The following FBXL13 variants were observed in gnomAD, a reference collection of about 807,000 sequenced individuals.
FBXL13 encodes F-box and leucine-rich repeat protein 13.
FBXL13 carries 67 observed loss-of-function variants against 83.6 expected under a neutral mutation model. That is an observed-to-expected ratio of 0.80 (90% CI 0.66 to 0.98). FBXL13 has a LOEUF of 0.98. Among genes scored for constraint, FBXL13 ranks in the 50% least tolerant of loss-of-function variants. FBXL13 has a pLI of 0.00. For synonymous variants in FBXL13, 272 were observed against 299.5 expected, an observed-to-expected ratio of 0.91 and a Z score of 0.95; for missense variants, 822 against 866.5, an observed-to-expected ratio of 0.95 and a Z score of 0.64.
intron 7 of FBXL13, among the ~76,000 whole-genome samples, chr7:102,967,237 C>A (rs956108462): frequency 4.0e-5 from 6 of 150,802 alleles, no homozygotes; most frequent in African/African-American, 1.5e-4. Flanking sequence ...GGATTATAGG[C>A]GTGAGCTACT....
At chr7:102,856,355 G>A (rs192263755) in intron 16 of FBXL13, among the ~76,000 whole-genome samples, 1 of 152,306 alleles carries the variant, frequency 6.6e-6, no homozygotes. Flanking sequence ...TCAAGTAACA[G>A]ATGCAAAGTT....
At chr7:103,027,655 A>G (rs1456598813) in intron 4 of FBXL13, 97 bp from the exon 6 acceptor site, 1 of 697,070 alleles carries the variant, frequency 1.4e-6, no homozygotes, top group Non-Finnish European at 2.2e-6. Context: ...TTATGAGACA[A>G]TGTCGCATCT....
At chr7:102,939,490 A>G in intron 8 of FBXL13, 2 of 1,614,060 alleles carry the variant, frequency 1.2e-6, no homozygotes, top group African/African-American at 2.7e-5. Context: ...TTGTCATACA[A>G]TAAAATCAAC....
At chr7:103,008,946 C>T (rs982916353) in intron 6 of FBXL13, among the ~76,000 whole-genome samples, 4 of 151,936 alleles carry the variant, frequency 2.6e-5, no homozygotes, top group African/African-American at 9.7e-5. Context: ...GCACAATACA[C>T]AGGAGGGAGA....
Position 102,968,829 on chromosome 7 carries a change from T to C in FBXL13, c.496-712A>G, listed in dbSNP as rs1349314844. Among the ~76,000 whole-genome samples the C allele has an allele frequency of 2.6e-5, 4 of 152,174 alleles. No homozygotes were observed. In the East Asian group the frequency reaches 7.7e-4, roughly 29 times the overall value. On this transcript the variant is annotated intron_variant, in intron 6 of 19. Coordinates refer to ENST00000313221, the Ensembl canonical transcript of FBXL13. The stretch of plus-strand genomic sequence containing the variant: ...CTTTTCATAATAAAATGGGTTCAGA[T>C]TTTACTGGCCATGCAGAGACATAAG...
intron 17 of FBXL13, among the ~76,000 whole-genome samples, chr7:102,842,895 T>C (rs551874260): frequency 2.0e-5 from 3 of 152,338 alleles, no homozygotes; most frequent in African/African-American, 7.2e-5. Flanking sequence ...CATTCCTGGG[T>C]CAGACCAAAA....
At chr7:103,054,408 A>G (rs1797136007) in intron 2 of FBXL13, among the ~76,000 whole-genome samples, 1 of 147,884 alleles carries the variant, frequency 6.8e-6, no homozygotes, top group Non-Finnish European at 1.5e-5. Context: ...AAAAAAAAAA[A>G]GAGAGAGAGT....
At chr7:102,935,242 C>CTTTTTTT (rs71106700) in intron 8 of FBXL13, among the ~76,000 whole-genome samples, 6 of 76,402 alleles carry the variant, frequency 7.9e-5, no homozygotes, top group African/African-American at 2.3e-4. Context: ...TTTTTTCTTT[C>CTTTTTTT]TTTTTTTTTT....
Position 102,954,121 on chromosome 7 carries a change from C to G in FBXL13, c.724+9412G>C, listed in dbSNP as rs186918243. Among the ~76,000 whole-genome samples, 568 of 152,278 alleles carry G rather than the reference C, an allele frequency of 3.7e-3. 5 individuals carry two copies. The highest frequency in any genetic ancestry group is 0.013 in the African/African-American group (561 of 41,564). On this transcript the variant is annotated intron_variant, in intron 8 of 19. Transcript: ENST00000313221. The stretch of plus-strand genomic sequence containing the variant: ...CCACACAGGAAAAGCCAAAGCAGGG[C>G]AGAGCATCGCCTCACCCAGGAAGCA...
At chr7:102,952,740 T>G (rs1446421817) in intron 8 of FBXL13, among the ~76,000 whole-genome samples, 1 of 152,150 alleles carries the variant, frequency 6.6e-6, no homozygotes, top group Non-Finnish European at 1.5e-5. Flanking sequence ...TCTCAGCACT[T>G]TGAGAGGCTG....
chr7:103,053,550 A>G (rs865905557), intron 2 of FBXL13, among the ~76,000 whole-genome samples: 16 of 152,192 alleles, frequency 1.1e-4, no homozygotes, highest in Non-Finnish European at 1.9e-4. Flanking sequence ...AATATTGACA[A>G]TAGGGTTTAC....
intron 18 of FBXL13, among the ~76,000 whole-genome samples, chr7:102,828,127 T>C (rs992122815): frequency 1.3e-5 from 2 of 152,204 alleles, no homozygotes; most frequent in Non-Finnish European, 2.9e-5. Context: ...AAGAAAGTAA[T>C]TGGTAGCTTG....
chr7:102,848,534 C>T (rs1379379484), intron 17 of FBXL13, among the ~76,000 whole-genome samples: 1 of 31,364 alleles, frequency 3.2e-5, no homozygotes, highest in African/African-American at 4.3e-4. Context: ...CCAGCCTGGG[C>T]GACAGAGCGA....
chr7:102,835,603 G>GTTTTTTTT (rs776220490), intron 17 of FBXL13, among the ~76,000 whole-genome samples: 10 of 97,522 alleles, frequency 1.0e-4, no homozygotes, highest in Non-Finnish European at 1.1e-4. Context: ...AGGTGACATT[G>GTTTTTTTT]TTTTTTTTTT....
intron 8 of FBXL13, chr7:102,934,131 T>C: frequency 8.7e-6 from 14 of 1,614,142 alleles, no homozygotes; most frequent in Non-Finnish European, 1.2e-5. Context: ...AGAAAATTAG[T>C]TTATGTGCTG....
chr7:102,944,164 G>A (rs746875199), intron 8 of FBXL13: 2 of 1,506,606 alleles, frequency 1.3e-6, no homozygotes, highest in Admixed American at 4.0e-5. Context: ...GCCATACACT[G>A]TATTAACTCA....
At chr7:103,047,746 G>C (rs1278642317) in intron 2 of FBXL13, among the ~76,000 whole-genome samples, 1 of 152,174 alleles carries the variant, frequency 6.6e-6, no homozygotes, top group Non-Finnish European at 1.5e-5. Flanking sequence ...CCAGGCTGGA[G>C]TGCAGAGGCA....
At chr7:102,869,948 A>G (rs1808305907) in intron 16 of FBXL13, among the ~76,000 whole-genome samples, 1 of 152,208 alleles carries the variant, frequency 6.6e-6, no homozygotes, top group African/African-American at 2.4e-5. Flanking sequence ...ATGGGCAGTT[A>G]TAAGAGATGA....
chr7:102,919,958 T>G (rs149282818), intron 10 of FBXL13, among the ~76,000 whole-genome samples: 1 of 152,300 alleles, frequency 6.6e-6, no homozygotes, highest in East Asian at 1.9e-4. Flanking sequence ...AATTACAATA[T>G]TGAGTGCAAA....
Sources: gnomAD v4.1 joint callset for allele counts (sites outside exome capture counted in the v4.1 genomes callset) on GRCh38, gnomAD v4.1.1 for gene constraint, MANE v1.5 for transcripts, NCBI Gene and HGNC (gene_info 2026-07-23, HGNC 2026-07-21) for gene names.